The following UPF2 variants were observed in gnomAD, a reference collection of about 807,000 sequenced individuals.
The protein encoded by UPF2 is regulator of nonsense transcripts 2.
UPF2 carries 17 observed loss-of-function variants against 141.4 expected under a neutral mutation model. That is an observed-to-expected ratio of 0.12 (90% CI 0.08 to 0.18). UPF2 has a LOEUF of 0.18. Among genes scored for constraint, UPF2 ranks in the 10% least tolerant of loss-of-function variants. The pLI is 1.00. For missense variants in UPF2, 1,152 were observed against 1,515.9 expected (o/e 0.76, Z 3.99); for synonymous variants, 540 against 498.0 (o/e 1.08, Z -1.12).
At chr10:11,954,506 C>T (rs1325152478) in intron 14 of UPF2, among the ~76,000 whole-genome samples, 3 of 151,468 alleles carry the variant, frequency 2.0e-5, no homozygotes, top group African/African-American at 7.3e-5. Context: ...TGGTGGAGTA[C>T]ACCTGTAATC....
In UPF2 at chr10:11,942,758, T is replaced by C; in HGVS notation, c.3285A>G (p.Val1095=). The change falls in exon 18 of 22, where the codon GTA becomes GTG. Residue 1095 remains valine (V), a synonymous_variant. Coordinates refer to ENST00000357604, the MANE Select transcript of UPF2 (RefSeq NM_015542.4). ...GCTTAAGTCCACCGCCTTTAATCAT[T>C]ACCTCCTTATTAAAACAAAACAACA... ...ENETDEENTE[V]MIKGGGLKHV... 6.2e-7 allele frequency: 1 copy of C among 1,613,150 alleles called. No individual in the cohort carries two copies. Among genetic ancestry groups the C allele is most frequent in the Non-Finnish European group, 8.5e-7 (1 of 1,179,520 alleles).
At chr10:11,938,909 C>G (rs979170283) in intron 18 of UPF2, among the ~76,000 whole-genome samples, 1 of 130,516 alleles carries the variant, frequency 7.7e-6, no homozygotes, top group Non-Finnish European at 1.5e-5. Flanking sequence ...TCTGTCCCCC[C>G]CATGCAGAGA....
upstream of UPF2, chr10:12,043,147 A>G (rs1025177716): frequency 6.6e-6 from 1 of 152,346 alleles, no homozygotes; most frequent in African/African-American, 2.4e-5. Context: ...CAGACTGGCA[A>G]TACGTAAGGT....
intron 15 of UPF2, among the ~76,000 whole-genome samples, chr10:11,950,942 TTTA>T (rs1833066318): frequency 6.6e-6 from 1 of 152,228 alleles, no homozygotes; most frequent in Non-Finnish European, 1.5e-5. Context: ...ATGTCGTAAA[TTTA>T]TATAATTTGC....
At chr10:11,961,746 T>G (rs1281771864) in intron 11 of UPF2, among the ~76,000 whole-genome samples, 3 of 152,166 alleles carry the variant, frequency 2.0e-5, no homozygotes, top group Non-Finnish European at 4.4e-5. Context: ...CAATTCGTAT[T>G]TAACGCATGA....
At position 11,979,352 on chromosome 10, in the gene UPF2, TAATA is replaced by T. The variant is rs1833556326; in HGVS notation, c.1845-191_1845-188del. 6.6e-6 allele frequency among the ~76,000 whole-genome samples: 1 copy of T among 152,240 alleles called. No individual in the cohort carries two copies. The highest frequency in any genetic ancestry group is 6.5e-5 in the Admixed American group (1 of 15,282). On this transcript the variant is annotated intron_variant, in intron 8 of 21. Coordinates refer to ENST00000357604, the MANE Select transcript of UPF2 (RefSeq NM_015542.4). This position sits in a 1 kb window ranked among gnomAD's most constrained non-coding sequence, Gnocchi z 6.2. The stretch of plus-strand genomic sequence containing the variant: ...TTCAATGAGCCTTCTACAATTTTAT[TAATA>T]TTCTGGCATTTTCCATTCCGTGAAT...
rs576181398 is a variant in UPF2, at chr10:11,942,746, G to A, written c.3297C>T (p.Gly1099=). ...CACAAGGTACATGCTTAAGTCCACCGCCTTTAATCATTACCTCCTTATTAA... is the reference window on the plus strand; with the variant it reads ...CACAAGGTACATGCTTAAGTCCACCACCTTTAATCATTACCTCCTTATTAA... ...DEENTEVMIK[G]GGLKHVPCVE... Residue 1099 remains glycine (G), a synonymous_variant, in exon 18 of 22, where the codon GGC becomes GGT. Transcript: ENST00000357604. 24 of 1,613,548 alleles carry A rather than the reference G, an allele frequency of 1.5e-5. No individual in the cohort carries two copies. The highest frequency in any genetic ancestry group is 5.0e-5 in the Admixed American group (3 of 59,986).
intron 9 of UPF2, among the ~76,000 whole-genome samples, chr10:11,978,743 T>C (rs1216779464): frequency 6.6e-6 from 1 of 152,146 alleles, no homozygotes; most frequent in Non-Finnish European, 1.5e-5. Context: ...GATGTTTCTT[T>C]TGGAAACACC....
rs535803373 is a variant in UPF2 at position 11,998,777 on chromosome 10, C to T, written c.1759-1020G>A. On this transcript the variant is annotated intron_variant, in intron 7 of 21. Transcript: ENST00000357604. This position sits in a 1 kb window ranked among gnomAD's most constrained non-coding sequence, Gnocchi z 4.5. ...GCTGAGGCAGGAGAATGGCGTGAAC[C>T]CGGGAGGCGGAGCTTGCAGTGAGCC... 2.0e-5 allele frequency among the ~76,000 whole-genome samples: 3 copies of T among 152,046 alleles called. No homozygotes were observed. Among genetic ancestry groups the T allele is most frequent in the Non-Finnish European group, 4.4e-5 (3 of 67,996 alleles).
intron 1 of UPF2, among the ~76,000 whole-genome samples, chr10:12,040,503 A>G (rs1834717758): frequency 6.6e-6 from 1 of 152,080 alleles, no homozygotes; most frequent in Non-Finnish European, 1.5e-5. Flanking sequence ...TCTCCGTAAA[A>G]CCCTTAAGTC....
chr10:12,029,587 C>T lies in UPF2; in HGVS notation c.366-63G>A, dbSNP rs147258035. ...CATTTTGAAGCATTATACACAAATCCCCTAAGAGTAAAAAGCCAATGAAAA... is the reference window on the plus strand; with the variant it reads ...CATTTTGAAGCATTATACACAAATCTCCTAAGAGTAAAAAGCCAATGAAAA... On this transcript the variant is annotated intron_variant, in intron 2 of 21. Coordinates refer to ENST00000357604, the MANE Select transcript of UPF2 (RefSeq NM_015542.4). The T allele has an allele frequency of 3.2e-4, 470 of 1,475,244 alleles. 2 individuals carry two copies. In the African/African-American group the frequency reaches 5.3e-3, roughly 17 times the overall value. The allele number at this position is 1,475,244 out of a possible 1,614,324, so 91.4% of individuals were successfully genotyped here. A position where few individuals can be genotyped will look rare whatever the true frequency, so the allele number is the denominator to read the frequency against.
At chr10:11,952,724 T>C (rs889308757) in intron 14 of UPF2, among the ~76,000 whole-genome samples, 1 of 152,106 alleles carries the variant, frequency 6.6e-6, no homozygotes, top group Non-Finnish European at 1.5e-5. Context: ...TCCGCCCGCC[T>C]TGGCCTCCCA....
intron 1 of UPF2, 23 bp from the exon 2 acceptor site, chr10:12,035,464 G>C: frequency 1.3e-6 from 2 of 1,493,418 alleles, no homozygotes; most frequent in Non-Finnish European, 1.8e-6. Context: ...AAGAATGTCA[G>C]TACCATAGAT....
chr10:11,983,491 G>A (rs1833634273), intron 8 of UPF2, among the ~76,000 whole-genome samples: 1 of 152,084 alleles, frequency 6.6e-6, no homozygotes, highest in African/African-American at 2.4e-5. Context: ...TCCTGTCTCA[G>A]CCTCCTGAGT....
intron 8 of UPF2, among the ~76,000 whole-genome samples, chr10:11,996,983 T>C (rs560585062): frequency 6.6e-6 from 1 of 152,306 alleles, no homozygotes; most frequent in African/African-American, 2.4e-5. Context: ...ATCATCTTAA[T>C]AGTTAACAAA....
chr10:11,938,853 GTTTTTTTTTTTTTTTTT>G (rs58106776), intron 18 of UPF2, among the ~76,000 whole-genome samples: 18 of 79,832 alleles, frequency 2.3e-4, no homozygotes, highest in East Asian at 3.6e-4. Flanking sequence ...TTTTTTTTTT[GTTTTTTTTTTTTTTTTT>G]TTTTTTTTTT....
intron 15 of UPF2, among the ~76,000 whole-genome samples, chr10:11,950,070 A>T (rs958415654): frequency 2.6e-5 from 4 of 152,192 alleles, no homozygotes; most frequent in Non-Finnish European, 5.9e-5. Flanking sequence ...AAAAAAATTT[A>T]AAAAGAGTAG....
chr10:11,934,950 C>G (rs1832830818), intron 19 of UPF2, among the ~76,000 whole-genome samples: 1 of 151,924 alleles, frequency 6.6e-6, no homozygotes, highest in African/African-American at 2.4e-5. Context: ...GTATACTGCT[C>G]AAGTATATCA....
rs867924583 is a variant in UPF2, at chr10:12,016,662, C to A, written c.1146-2478G>T. On this transcript the variant is annotated intron_variant, in intron 3 of 21. Transcript: ENST00000357604. The surrounding 1 kb of genome is among the most constrained non-coding windows in gnomAD (Gnocchi z 4.1). Reference sequence around the variant, plus strand: ...TGAGCCAAGATTGCACCACTGTACTCCAGCCTGGGCGACAGAGCAAGACTG... The same window carrying A: ...TGAGCCAAGATTGCACCACTGTACTACAGCCTGGGCGACAGAGCAAGACTG... Among the ~76,000 whole-genome samples, 10 of 150,860 alleles carry A rather than the reference C, an allele frequency of 6.6e-5. No homozygotes were observed. Among genetic ancestry groups the A allele is most frequent in the South Asian group, 2.1e-4 (1 of 4,770 alleles).
Sources: allele counts gnomAD v4.1 joint callset (sites outside exome capture counted in the v4.1 genomes callset), GRCh38; gene constraint gnomAD v4.1.1; non-coding constraint Gnocchi (gnomAD v3.1); transcripts MANE v1.5; gene names NCBI Gene and HGNC (gene_info 2026-07-23, HGNC 2026-07-21).